The following ARPP21 variants were observed in gnomAD, a reference collection of about 807,000 sequenced individuals.
ARPP21 encodes cAMP-regulated phosphoprotein 21.
A neutral mutation model predicts 113.2 loss-of-function variants in ARPP21; 69 were observed. The observed-to-expected ratio is 0.61, with a 90% CI of 0.50 to 0.74. ARPP21 has a LOEUF of 0.74. Ranked by LOEUF, ARPP21 falls within the 30% of genes least tolerant of loss-of-function variation. ARPP21 has a pLI of 0.00. For missense variants in ARPP21, 1,070 were observed against 1,037.4 expected (o/e 1.03, Z -0.43); for synonymous variants, 368 against 375.5 (o/e 0.98, Z 0.23).
intron 5 of ARPP21, 69 bp from the exon 6 acceptor site, chr3:35,687,670 T>C: frequency 2.1e-6 from 3 of 1,418,310 alleles, no homozygotes; most frequent in Non-Finnish European, 2.9e-6. Context: ...TTATAACCTC[T>C]ATGCAAAATG....
chr3:35,775,319 G>A (rs939561832), intron 19 of ARPP21, among the ~76,000 whole-genome samples: 5 of 152,116 alleles, frequency 3.3e-5, no homozygotes, highest in Non-Finnish European at 7.4e-5. Context: ...TATCAGGAGC[G>A]CAGAATGAAT....
At chr3:35,729,248 T>C in intron 14 of ARPP21, 55 bp from the exon 15 acceptor site, 1 of 1,251,564 alleles carries the variant, frequency 8.0e-7, no homozygotes, top group Non-Finnish European at 1.2e-6. Context: ...CTCAGATTGG[T>C]GCTTTCTCTC....
chr3:35,674,714 A>G (rs558474106), intron 1 of ARPP21, among the ~76,000 whole-genome samples: 1 of 151,992 alleles, frequency 6.6e-6, no homozygotes, highest in East Asian at 1.9e-4. Flanking sequence ...AGGATTTTCA[A>G]AAGGAGAAGC....
Position 35,793,987 on chromosome 3 carries a change from A to G in ARPP21, c.*29A>G. 18 of 1,589,578 alleles carry G rather than the reference A, an allele frequency of 1.1e-5. No individual in the cohort carries two copies. The highest frequency in any genetic ancestry group is 1.5e-5 in the Non-Finnish European group (17 of 1,165,244). ...CTCTGGCTGTGGTACATTTCTTCAG[A>G]TATTTCTCATGGCCTTTGATGGAAG... On this transcript the variant is annotated 3_prime_UTR_variant, in exon 21 of 21. Transcript: ENST00000684406.
intron 19 of ARPP21, among the ~76,000 whole-genome samples, chr3:35,772,598 G>A (rs1470770420): frequency 6.6e-6 from 1 of 152,088 alleles, no homozygotes; most frequent in Admixed American, 6.6e-5. Context: ...CTCCTGGGTG[G>A]ACCTCAAAAT....
intron 1 of ARPP21, among the ~76,000 whole-genome samples, chr3:35,660,473 C>A (rs1707209179): frequency 6.6e-6 from 1 of 152,148 alleles, no homozygotes; most frequent in South Asian, 2.1e-4. Context: ...TCACTTTTTG[C>A]CCCTTCAAAC....
chr3:35,739,189 A>G (rs1394396336), intron 17 of ARPP21, 128 bp from the exon 18 acceptor site: 4 of 1,129,216 alleles, frequency 3.5e-6, no homozygotes, highest in Non-Finnish European at 5.1e-6. Context: ...ATTTTATTTT[A>G]TTTTTTCCAA....
Position 35,651,354 on chromosome 3 carries a change from C to A in ARPP21, c.-213+10956C>A, listed in dbSNP as rs532607784. ...CCTACTTTTTGAAATTACCTGTAAG[C>A]GACAGGATTATGCCAGATAATATCT... On this transcript the variant is annotated intron_variant, in intron 1 of 20. Transcript: ENST00000684406. Among the ~76,000 whole-genome samples the A allele has an allele frequency of 8.5e-5, 13 of 152,100 alleles. No homozygotes were observed. In the South Asian group the frequency reaches 1.2e-3, roughly 15 times the overall value.
chr3:35,661,436 A>G (rs1245822550), intron 1 of ARPP21, among the ~76,000 whole-genome samples: 1 of 152,198 alleles, frequency 6.6e-6, no homozygotes, highest in African/African-American at 2.4e-5. Flanking sequence ...AGTAAAAGTC[A>G]TGGAATACTG....
intron 10 of ARPP21, chr3:35,707,580 T>G: frequency 2.2e-6 from 1 of 455,528 alleles, no homozygotes; most frequent in Non-Finnish European, 4.4e-6. Context: ...CTAAAATAAG[T>G]CTTCAGAGAA....
chr3:35,729,584 G>C (rs1325677784), intron 15 of ARPP21, 48 bp downstream of exon 15: 5 of 1,483,720 alleles, frequency 3.4e-6, no homozygotes, highest in Non-Finnish European at 4.7e-6. Context: ...TCAGATGTTT[G>C]TTCTTATGTT....
intron 19 of ARPP21, among the ~76,000 whole-genome samples, chr3:35,786,528 A>G (rs2151835540): frequency 7.0e-6 from 1 of 142,110 alleles, no homozygotes; most frequent in Non-Finnish European, 1.6e-5. Flanking sequence ...TTTCATCTCA[A>G]AAAAAAAAAA....
chr3:35,648,722 A>G (rs140061489), intron 1 of ARPP21, among the ~76,000 whole-genome samples: 265 of 152,330 alleles, frequency 1.7e-3, no homozygotes, highest in African/African-American at 6.2e-3. Context: ...ATTGAGAGCC[A>G]CAGATAGTAT....
rs1168498752 is a variant in ARPP21 at position 35,703,684 on chromosome 3, T to C, written c.687-3290T>C. On this transcript the variant is annotated intron_variant, in intron 9 of 20. Coordinates refer to ENST00000684406, the MANE Select transcript of ARPP21 (RefSeq NM_001385562.1). The stretch of plus-strand genomic sequence containing the variant: ...GCATGAATGATGCAGGGCTGTAAAA[T>C]ATATAGTGAAGTCTAGTCATCATTG... 4.0e-5 allele frequency among the ~76,000 whole-genome samples: 6 copies of C among 151,670 alleles called. No homozygotes were observed. In the East Asian group the frequency reaches 9.7e-4, roughly 25 times the overall value.
At chr3:35,689,853 T>C (rs1402977100) in intron 7 of ARPP21, among the ~76,000 whole-genome samples, 1 of 151,574 alleles carries the variant, frequency 6.6e-6, no homozygotes, top group Non-Finnish European at 1.5e-5. Flanking sequence ...ATTTAGATAT[T>C]TCAATATACT....
intron 9 of ARPP21, among the ~76,000 whole-genome samples, chr3:35,700,938 A>T (rs1024302925): frequency 6.6e-6 from 1 of 151,670 alleles, no homozygotes; most frequent in African/African-American, 2.4e-5. Flanking sequence ...TGACGAGTTG[A>T]TGGGTACAGC....
chr3:35,770,501 C>CAGAATTTACTGTTTGT (rs2096160586), intron 19 of ARPP21, among the ~76,000 whole-genome samples: 1 of 152,126 alleles, frequency 6.6e-6, no homozygotes, highest in Non-Finnish European at 1.5e-5. Flanking sequence ...TCACCACAGG[C>CAGAATTTACTGTTTGT]AGAATTTACT....
chr3:35,762,155 C>T (rs905356346), intron 19 of ARPP21, among the ~76,000 whole-genome samples: 30 of 150,892 alleles, frequency 2.0e-4, no homozygotes, highest in African/African-American at 3.7e-4. Context: ...CACACACACA[C>T]GCTTTTGGAA....
chr3:35,710,584 C>CACAT (rs1223846275), intron 11 of ARPP21, among the ~76,000 whole-genome samples: 2 of 145,848 alleles, frequency 1.4e-5, no homozygotes, highest in Non-Finnish European at 3.1e-5. Flanking sequence ...CACACACACA[C>CACAT]ACATTTTCTC....
Sources: allele counts gnomAD v4.1 joint callset (sites outside exome capture counted in the v4.1 genomes callset), GRCh38; gene constraint gnomAD v4.1.1; transcripts MANE v1.5; gene names NCBI Gene and HGNC (gene_info 2026-07-23, HGNC 2026-07-21).